Variants in VPS13A observed in about 807,000 individuals in gnomAD.
VPS13A encodes vacuolar protein sorting 13 homolog A, also known as intermembrane lipid transfer protein VPS13A.
VPS13A carries 264 observed loss-of-function variants against 390.9 expected under a neutral mutation model. The observed-to-expected ratio is 0.68, with a 90% CI of 0.61 to 0.75. VPS13A has a LOEUF of 0.75. Ranked by LOEUF, VPS13A falls within the 30% of genes least tolerant of loss-of-function variation. VPS13A has a pLI of 0.00. For synonymous variants in VPS13A, 1,231 were observed against 1,227.1 expected, an observed-to-expected ratio of 1.00 and a Z score of -0.07; for missense variants, 3,409 against 3,733.9, an observed-to-expected ratio of 0.91 and a Z score of 2.27.
At chr9:77,360,098 C>A (rs947868413) in intron 58 of VPS13A, among the ~76,000 whole-genome samples, 16 of 152,018 alleles carry the variant, frequency 1.1e-4, no homozygotes, top group Admixed American at 4.6e-4. Flanking sequence ...TATTTCCTTG[C>A]TGTTTAAAAT....
Position 77,223,711 on chromosome 9 carries a change from T to C in VPS13A, c.1162-2215T>C, listed in dbSNP as rs963701024. 7.3e-5 allele frequency among the ~76,000 whole-genome samples: 8 copies of C among 109,540 alleles called. No homozygotes were observed. The Admixed American group carries it at 8.2e-4, about 11-fold the overall frequency. The allele number at this position is 109,540 out of a possible 152,430, so 71.9% of individuals were successfully genotyped here. The stretch of plus-strand genomic sequence containing the variant: ...TCTTGAAGTTTAAGGGAAGAAGCTG[T>C]CTCTATAACAAAAGTATAAGGCAAA... On this transcript the variant is annotated intron_variant, in intron 13 of 71. Coordinates refer to ENST00000360280, the MANE Select transcript of VPS13A (RefSeq NM_033305.3).
At chr9:77,345,308 G>A (rs1432825127) in intron 52 of VPS13A, among the ~76,000 whole-genome samples, 166 bp downstream of exon 52, 2 of 152,144 alleles carry the variant, frequency 1.3e-5, no homozygotes, top group Non-Finnish European at 2.9e-5. Context: ...GGGTAAAACT[G>A]ACTTGATGTC....
At position 77,209,436 on chromosome 9, in the gene VPS13A, G is replaced by A. The variant is rs1303793041; in HGVS notation, c.399G>A (p.Pro133=). ...TTGCAATTGTAGAACAACATCTGCC[G>A]GAAAAACAGGACACTTTTGCAGAAA... ...QKVVDQEQHL[P]EKQDTFAEKL... The change falls in exon 6 of 72, where the codon CCG becomes CCA. Residue 133 remains proline (P), a synonymous_variant. Transcript: ENST00000360280. The A allele has an allele frequency of 1.9e-5, 30 of 1,611,050 alleles. No homozygotes were observed. The highest frequency in any genetic ancestry group is 2.1e-5 in the Non-Finnish European group (25 of 1,178,212).
intron 23 of VPS13A, among the ~76,000 whole-genome samples, chr9:77,268,687 C>A (rs904340240): frequency 2.0e-5 from 3 of 152,066 alleles, no homozygotes; most frequent in African/African-American, 7.2e-5. Context: ...CATCTGTAAT[C>A]CCAGCACTTA....
chr9:77,233,673 G>T (rs1430313901), intron 17 of VPS13A, among the ~76,000 whole-genome samples: 1 of 151,812 alleles, frequency 6.6e-6, no homozygotes, highest in Non-Finnish European at 1.5e-5. Context: ...GCTTGTTTAA[G>T]AGTGTTTAAT....
intron 17 of VPS13A, among the ~76,000 whole-genome samples, chr9:77,231,201 G>A (rs574454514): frequency 5.7e-4 from 86 of 151,982 alleles, no homozygotes; most frequent in African/African-American, 2.1e-3. Flanking sequence ...CTTCCATTCC[G>A]ATGTGGATGC....
intron 23 of VPS13A, among the ~76,000 whole-genome samples, chr9:77,265,955 C>CT (rs1826014776): frequency 1.3e-5 from 2 of 152,196 alleles, no homozygotes; most frequent in South Asian, 4.1e-4. Context: ...AAATTTTCCT[C>CT]TAAACACTGC....
chr9:77,380,764 G>T (rs929556248), intron 67 of VPS13A, among the ~76,000 whole-genome samples: 1 of 152,216 alleles, frequency 6.6e-6, no homozygotes, highest in African/African-American at 2.4e-5. Context: ...TTTCAGGATG[G>T]AACTGTTCCA....
chr9:77,220,360 T>TATAGGAA lies in VPS13A; in HGVS notation c.966_967insATAGGAA (p.Leu323IlefsTer20). On this transcript the variant is annotated frameshift_variant, in exon 12 of 72. Coordinates refer to ENST00000360280, the MANE Select transcript of VPS13A (RefSeq NM_033305.3). LOFTEE classifies it high-confidence loss of function. ...ATAGGAAGTTCAAACCTGATGTGCCTCTTCACCACCATGCCAGAGAATGGT... is the reference window on the plus strand; with the variant it reads ...ATAGGAAGTTCAAACCTGATGTGCCTATAGGAACTTCACCACCATGCCAGAGAATGGT... 6.2e-7 allele frequency: 1 copy of TATAGGAA among 1,610,978 alleles called. No homozygotes were observed. The highest frequency in any genetic ancestry group is 8.5e-7 in the Non-Finnish European group (1 of 1,178,436).
In VPS13A at chr9:77,365,449, T is replaced by C; in HGVS notation, c.8212-11T>C. The C allele has an allele frequency of 1.3e-6, 2 of 1,564,222 alleles. 1 individual carries two copies. Among genetic ancestry groups the C allele is most frequent in the South Asian group, 2.2e-5 (2 of 89,922 alleles). On this transcript the variant is annotated splice_polypyrimidine_tract_variant and intron_variant, in intron 59 of 71. Coordinates refer to ENST00000360280, the MANE Select transcript of VPS13A (RefSeq NM_033305.3). ...TCCCTTTAGTTTTAATATTTTGTGT[T>C]CCTTTTATAGGTTGAGCTTTTTCAT... is the stretch of plus-strand genomic sequence containing the variant.
chr9:77,389,238 C>T (rs1461055217), intron 68 of VPS13A, among the ~76,000 whole-genome samples: 6 of 151,936 alleles, frequency 3.9e-5, no homozygotes, highest in African/African-American at 1.5e-4. Flanking sequence ...AAAAAGCATA[C>T]CACTCAGAAA....
At chr9:77,295,881 A>G (rs1294602909) in intron 33 of VPS13A, 35 bp downstream of exon 33, 10 of 1,605,274 alleles carry the variant, frequency 6.2e-6, no homozygotes, top group Non-Finnish European at 8.5e-6. Flanking sequence ...TGTGGAATGC[A>G]ATATTTTTCT....
At chr9:77,382,886 C>G (rs1833515040) in intron 68 of VPS13A, 1 of 985,254 alleles carries the variant, frequency 1.0e-6, no homozygotes, top group Admixed American at 6.2e-5. Flanking sequence ...GTAAATTCGA[C>G]TTTTTAAAAC....
At chr9:77,250,377 A>G (rs1054280337) in intron 21 of VPS13A, 148 bp downstream of exon 21, 2 of 1,027,738 alleles carry the variant, frequency 1.9e-6, no homozygotes, top group Admixed American at 2.1e-5. Context: ...AGCTGTTCTT[A>G]CCAGGAGCAG....
In VPS13A at chr9:77,370,483, G is replaced by A. The variant is rs751794203; in HGVS notation, c.8812G>A (p.Asp2938Asn). The A allele has an allele frequency of 3.7e-6, 6 of 1,614,152 alleles. No individual in the cohort carries two copies. The highest frequency in any genetic ancestry group is 5.1e-6 in the Non-Finnish European group (6 of 1,180,016). Residue 2938 changes from aspartate (D) to asparagine (N), a missense_variant, in exon 65 of 72, where the codon GAT becomes AAT. Asp to Asn is a conservative substitution (Grantham distance 23). This residue lies in a region of VPS13A where 318 missense variants were observed against 333.7 expected (regional missense o/e 0.95). Coordinates refer to ENST00000360280, the MANE Select transcript of VPS13A (RefSeq NM_033305.3). ...TAAGGGGGTAGCAGCTATGACCATGGATGAAGACTACCAACAGAAGAGAAG... is the reference window on the plus strand; with the variant it reads ...TAAGGGGGTAGCAGCTATGACCATGAATGAAGACTACCAACAGAAGAGAAG... ...MAKGVAAMTM[D>N]EDYQQKRREA...
chr9:77,353,433 G>T lies in VPS13A; in HGVS notation c.7444G>T (p.Gly2482Trp), dbSNP rs781360366. The T allele has an allele frequency of 6.2e-7, 1 of 1,609,164 alleles. No individual in the cohort carries two copies. Among genetic ancestry groups the T allele is most frequent in the Non-Finnish European group, 8.5e-7 (1 of 1,177,670 alleles). ...KDDMMMPIDLGEKTIYLVSFF... is the reference protein window; with the variant it reads ...KDDMMMPIDLWEKTIYLVSFF... Reference sequence around the variant, plus strand: ...GGATATGATGATGCCTATAGATTTGGGGGAAAAGACAATATATTTAGTTTC... The same window carrying T: ...GGATATGATGATGCCTATAGATTTGTGGGAAAAGACAATATATTTAGTTTC... Residue 2482 changes from glycine (G) to tryptophan (W), a missense_variant, in exon 54 of 72, where the codon GGG (glycine) becomes TGG (tryptophan). Coordinates refer to ENST00000360280, the MANE Select transcript of VPS13A (RefSeq NM_033305.3).
chr9:77,339,751 G>C lies in VPS13A; in HGVS notation c.6614G>C (p.Gly2205Ala). The change falls in exon 48 of 72, where the codon GGT becomes GCT. Residue 2205 changes from glycine to alanine, a missense_variant. Coordinates refer to ENST00000360280, the MANE Select transcript of VPS13A (RefSeq NM_033305.3). ...GCTGTCCATATGACTTACAATACTGGTCAGACAGTTGTGGCATTTCATAGT... is the reference window on the plus strand; with the variant it reads ...GCTGTCCATATGACTTACAATACTGCTCAGACAGTTGTGGCATTTCATAGT... ...DIAVHMTYNT[G>A]QTVVAFHSPY... 6.2e-7 allele frequency: 1 copy of C among 1,614,026 alleles called. No individual in the cohort carries two copies. The highest frequency in any genetic ancestry group is 2.2e-5 in the East Asian group (1 of 44,858).
At chr9:77,275,797 C>T in intron 25 of VPS13A, 145 bp downstream of exon 25, 2 of 988,334 alleles carry the variant, frequency 2.0e-6, no homozygotes, top group Non-Finnish European at 3.0e-6. Context: ...TTCTTGGTCA[C>T]TCCCCGCCCC....
Position 77,250,195 on chromosome 9 carries a change from A to G in VPS13A, c.2136A>G (p.Gln712=). 1.2e-6 allele frequency: 2 copies of G among 1,613,848 alleles called. No homozygotes were observed. The highest frequency in any genetic ancestry group is 8.5e-7 in the Non-Finnish European group (1 of 1,179,900). The change falls in exon 21 of 72, where the codon CAA becomes CAG. Residue 712 remains glutamine, a synonymous_variant. Coordinates refer to ENST00000360280, the MANE Select transcript of VPS13A (RefSeq NM_033305.3). The part of the protein sequence containing the change: ...MDRAYDSFDI[Q]LTSVQLLYSR... ...GAGCTTATGATTCATTTGATATTCA[A>G]CTTACAAGTGTACAGCTGCTTTACA...
Sources: allele counts gnomAD v4.1 joint callset (sites outside exome capture counted in the v4.1 genomes callset), GRCh38; gene constraint gnomAD v4.1.1; regional missense constraint gnomAD v4.1.1; transcripts MANE v1.5; gene names NCBI Gene and HGNC (gene_info 2026-07-23, HGNC 2026-07-21).